The following CIMIP2A variants were observed in gnomAD, a reference collection of about 807,000 sequenced individuals.
The protein encoded by CIMIP2A is family with sequence similarity 166 member A.
chr9:137,253,000 G>A, the CIMIP2A span: 2 of 1,556,634 alleles, frequency 1.3e-6, no homozygotes, highest in Non-Finnish European at 1.7e-6. Flanking sequence ...GCTAGGGATG[G>A]GGCATGGGTG....
the CIMIP2A span, chr9:137,245,372 G>C: frequency 6.2e-7 from 1 of 1,612,366 alleles, no homozygotes; most frequent in Non-Finnish European, 8.5e-7. Flanking sequence ...CCGTATACTG[G>C]GTGTCCCAAG....
the CIMIP2A span, chr9:137,245,433 G>C: frequency 6.2e-7 from 1 of 1,613,910 alleles, no homozygotes; most frequent in Non-Finnish European, 8.5e-7. Flanking sequence ...GCGGGGTGTC[G>C]GGCGTGAAGC....
chr9:137,254,812 G>C, the CIMIP2A span, among the ~76,000 whole-genome samples: 1 of 152,128 alleles, frequency 6.6e-6, no homozygotes, highest in African/African-American at 2.4e-5. Context: ...GGCGGCCGTC[G>C]CTCGCGCTCC....
the CIMIP2A span, among the ~76,000 whole-genome samples, chr9:137,247,199 C>T: frequency 3.0e-4 from 46 of 152,316 alleles, no homozygotes; most frequent in East Asian, 1.2e-3. Context: ...ACAGGAGAAT[C>T]GCTTGAACCT....
At chr9:137,254,911 C>T in the CIMIP2A span, among the ~76,000 whole-genome samples, 15 of 152,116 alleles carry the variant, frequency 9.9e-5, no homozygotes, top group Admixed American at 1.3e-4. Flanking sequence ...GGCTTCGTGC[C>T]CGTTTCACGC....
chr9:137,252,792 T>TG, the CIMIP2A span: 3 of 1,563,074 alleles, frequency 1.9e-6, no homozygotes, highest in African/African-American at 1.4e-5. Flanking sequence ...GCTAGGGGGC[T>TG]GGGCCTCAGG....
At chr9:137,244,569 C>T in the CIMIP2A span, 15 of 1,584,876 alleles carry the variant, frequency 9.5e-6, no homozygotes, top group African/African-American at 1.5e-4. Context: ...AAGGCACCCT[C>T]CAGGGAAGCT....
chr9:137,245,057 C>T, the CIMIP2A span: 14 of 1,610,346 alleles, frequency 8.7e-6, no homozygotes, highest in Non-Finnish European at 1.2e-5. Context: ...GGAGGGGCGG[C>T]CTTCTCCAGC....
At chr9:137,243,810 C>T in the CIMIP2A span, 2 of 1,613,010 alleles carry the variant, frequency 1.2e-6, no homozygotes, top group Non-Finnish European at 1.7e-6. Context: ...CAGGCTGCAG[C>T]TGAGCTGGGC....
At chr9:137,251,869 C>T in the CIMIP2A span, 3 of 1,608,900 alleles carry the variant, frequency 1.9e-6, no homozygotes, top group Non-Finnish European at 2.5e-6. Context: ...TCCCTGCCCA[C>T]CTACACCCAG....
At chr9:137,252,973 G>T in the CIMIP2A span, 1 of 1,589,916 alleles carries the variant, frequency 6.3e-7, no homozygotes, top group Non-Finnish European at 8.6e-7. Flanking sequence ...CCTGTAAGGA[G>T]GCCTGGAGAG....
At chr9:137,252,820 G>T in the CIMIP2A span, 1 of 1,568,596 alleles carries the variant, frequency 6.4e-7, no homozygotes, top group African/African-American at 1.4e-5. Context: ...CCCAGTCCCT[G>T]CTTCAGGCCT....
chr9:137,244,698 C>T, the CIMIP2A span: 2 of 1,613,746 alleles, frequency 1.2e-6, no homozygotes, highest in South Asian at 1.1e-5. Context: ...TAATTCAACC[C>T]CATTACCCAG....
chr9:137,245,220 T>C, the CIMIP2A span: 1 of 1,580,356 alleles, frequency 6.3e-7, no homozygotes, highest in African/African-American at 1.4e-5. Context: ...GTGGTACAGC[T>C]GGAGCGGGGA....
At chr9:137,252,699 C>T in the CIMIP2A span, 8 of 1,550,910 alleles carry the variant, frequency 5.2e-6, no homozygotes, top group East Asian at 2.4e-5. Flanking sequence ...CTCAGCCGGC[C>T]CGCCTTCCCC....
At chr9:137,252,078 G>T in the CIMIP2A span, 3 of 1,612,716 alleles carry the variant, frequency 1.9e-6, no homozygotes, top group Non-Finnish European at 2.5e-6. Context: ...GAGCCCGTCC[G>T]TACGAGAGTC....
the CIMIP2A span, chr9:137,244,038 A>C: frequency 1.4e-5 from 14 of 1,019,396 alleles, no homozygotes; most frequent in Non-Finnish European, 1.8e-5. Flanking sequence ...AGACAATCCT[A>C]CCCCAACCAA....
chr9:137,243,723 C>T, the CIMIP2A span: 17 of 1,614,158 alleles, frequency 1.1e-5, no homozygotes, highest in Middle Eastern at 3.3e-4. Context: ...TTTCGCTTTG[C>T]CCATTCCTTC....
the CIMIP2A span, chr9:137,251,103 T>C: frequency 1.7e-6 from 1 of 602,716 alleles, no homozygotes; most frequent in Non-Finnish European, 3.0e-6. Context: ...CTGGGGGTCC[T>C]GGCCCAGGCG....
Sources: allele counts gnomAD v4.1 joint callset (sites outside exome capture counted in the v4.1 genomes callset), GRCh38; gene constraint gnomAD v4.1.1; transcripts MANE v1.5; gene names NCBI Gene and HGNC (gene_info 2026-07-23, HGNC 2026-07-21).